Variants in MLF1 observed in about 807,000 individuals in gnomAD.
The protein encoded by MLF1 is myelodysplasia-myeloid leukemia factor 1.
In MLF1, 37 loss-of-function variants were observed where a neutral mutation model predicts 38.3. The observed-to-expected ratio is 0.96, with a 90% CI of 0.74 to 1.27. The LOEUF (loss-of-function observed/expected upper bound fraction) is 1.27, where lower values mean the gene tolerates loss of function less well. Among genes scored for constraint, MLF1 ranks in the 50% most tolerant of loss-of-function variants. The probability of loss-of-function intolerance (pLI) is 0.00; values close to 1 mark genes in which losing one functional copy is unlikely to be tolerated. For synonymous variants in MLF1, 95 were observed against 106.5 expected (o/e 0.89, Z 0.66); for missense variants, 331 against 349.2 (o/e 0.95, Z 0.42).
chr3:158,586,270 A>AT (rs1553836297), intron 1 of MLF1, among the ~76,000 whole-genome samples: 6 of 152,224 alleles, frequency 3.9e-5, no homozygotes, highest in East Asian at 1.9e-4. Flanking sequence ...ACATTAAAAA[A>AT]ATATATATAA....
intron 6 of MLF1, among the ~76,000 whole-genome samples, chr3:158,602,377 G>A (rs1719920901): frequency 6.6e-6 from 1 of 152,156 alleles, no homozygotes; most frequent in African/African-American, 2.4e-5. Flanking sequence ...TGAGTAACCT[G>A]TCTTAGGAAA....
intron 1 of MLF1, among the ~76,000 whole-genome samples, chr3:158,582,469 C>T (rs1056006480): frequency 6.6e-6 from 1 of 151,982 alleles, no homozygotes; most frequent in Admixed American, 6.6e-5. Flanking sequence ...ATGTCATACA[C>T]CAAACCACAG....
intron 1 of MLF1, among the ~76,000 whole-genome samples, chr3:158,572,293 A>G (rs2108532959): frequency 2.0e-5 from 2 of 101,108 alleles, no homozygotes; most frequent in African/African-American, 7.9e-5. Flanking sequence ...ACGGTTTGGG[A>G]GCATGAGGTG....
At chr3:158,575,806 A>G (rs1284734552) in intron 1 of MLF1, among the ~76,000 whole-genome samples, 1 of 152,098 alleles carries the variant, frequency 6.6e-6, no homozygotes, top group Non-Finnish European at 1.5e-5. Flanking sequence ...AACATTGTTG[A>G]TACTGGTATT....
chr3:158,580,290 TAAAAAA>T (rs138113242), intron 1 of MLF1, among the ~76,000 whole-genome samples: 5 of 140,834 alleles, frequency 3.6e-5, no homozygotes, highest in Admixed American at 7.1e-5. Context: ...CCCCGGAACT[TAAAAAA>T]AAAAAAGAAA....
At chr3:158,574,505 T>TAAAAAACAAAA (rs1715070623) in intron 1 of MLF1, among the ~76,000 whole-genome samples, 1 of 91,408 alleles carries the variant, frequency 1.1e-5, no homozygotes, top group African/African-American at 5.7e-5. Flanking sequence ...CCATCTGTAC[T>TAAAAAACAAAA]AAAAAAAAAA....
chr3:158,589,140 C>A (rs974677729), intron 1 of MLF1, among the ~76,000 whole-genome samples: 2 of 151,942 alleles, frequency 1.3e-5, no homozygotes, highest in Non-Finnish European at 2.9e-5. Flanking sequence ...GGTAGGGGGA[C>A]CATCTGATAT....
chr3:158,584,057 C>CA (rs1716827805), intron 1 of MLF1, among the ~76,000 whole-genome samples: 1 of 152,160 alleles, frequency 6.6e-6, no homozygotes, highest in Non-Finnish European at 1.5e-5. Context: ...AAAGGAAAGA[C>CA]AATTCTAGCC....
intron 1 of MLF1, among the ~76,000 whole-genome samples, chr3:158,584,658 AGTGT>A (rs56885799): frequency 0.16 from 21,688 of 133,986 alleles, 1,997 homozygotes; most frequent in East Asian, 0.52. Flanking sequence ...CCATAAAGAA[AGTGT>A]GTGTGTGTGT....
intron 7 of MLF1, among the ~76,000 whole-genome samples, chr3:158,604,003 G>C (rs1720163149): frequency 6.6e-6 from 1 of 152,150 alleles, no homozygotes; most frequent in African/African-American, 2.4e-5. Flanking sequence ...TCTGTTCTAA[G>C]CTATAAGAAA....
At chr3:158,591,901 T>C (rs1012101183) in intron 1 of MLF1, among the ~76,000 whole-genome samples, 5 of 152,230 alleles carry the variant, frequency 3.3e-5, no homozygotes, top group African/African-American at 1.2e-4. Flanking sequence ...CAGGTTTTCA[T>C]TAATTTTATT....
intron 6 of MLF1, among the ~76,000 whole-genome samples, chr3:158,601,624 G>GC (rs1719766245): frequency 6.6e-6 from 1 of 150,734 alleles, no homozygotes; most frequent in Admixed American, 6.6e-5. Context: ...GGGCATGGTG[G>GC]CCCGCGCCTG....
At chr3:158,604,733 A>G (rs571811395) in intron 7 of MLF1, among the ~76,000 whole-genome samples, 20 of 152,110 alleles carry the variant, frequency 1.3e-4, no homozygotes, top group African/African-American at 4.8e-4. Context: ...ATCTCAACTC[A>G]CTGCAACCTC....
rs373493309 is a variant in MLF1, at chr3:158,579,638, T to A, written c.47+8291T>A. ...GAGCCATATTTTGTTGATTAATTTT[T>A]AGCCCAATTATAATGCAATGAGAAA... is the stretch of plus-strand genomic sequence containing the variant. On this transcript the variant is annotated intron_variant, in intron 1 of 7. Transcript: ENST00000466246. Among the ~76,000 whole-genome samples, 73 of 152,342 alleles carry A rather than the reference T, an allele frequency of 4.8e-4. No individual in the cohort carries two copies. The South Asian group carries it at 0.012, about 25-fold the overall frequency.
intron 5 of MLF1, among the ~76,000 whole-genome samples, chr3:158,599,435 A>G (rs974180151): frequency 1.3e-5 from 2 of 152,214 alleles, no homozygotes; most frequent in South Asian, 2.1e-4. Flanking sequence ...GTTCTTACAT[A>G]TAAAGATGAA....
intron 1 of MLF1, among the ~76,000 whole-genome samples, chr3:158,581,835 T>C (rs928215797): frequency 1.3e-5 from 2 of 152,130 alleles, no homozygotes; most frequent in African/African-American, 4.8e-5. Context: ...AGAACAGATA[T>C]AAGCAGAGAA....
At chr3:158,601,868 G>A (rs1553841923) in intron 6 of MLF1, among the ~76,000 whole-genome samples, 1 of 139,312 alleles carries the variant, frequency 7.2e-6, no homozygotes, top group Non-Finnish European at 1.5e-5. Context: ...GAGTGCAGTG[G>A]TGCAGTGGTG....
chr3:158,573,107 A>G lies in MLF1; in HGVS notation c.47+1760A>G, dbSNP rs187920159. Among the ~76,000 whole-genome samples, 244 of 151,624 alleles carry G rather than the reference A, an allele frequency of 1.6e-3. 3 individuals carry two copies. Among genetic ancestry groups the G allele is most frequent in the African/African-American group, 5.6e-3 (231 of 41,084 alleles). On this transcript the variant is annotated intron_variant, in intron 1 of 7. Transcript: ENST00000466246. ...ATTTTATAGCTCCTCTTTAAATTCC[A>G]AATAGGAACAGGTAATATTTTATAG...
In MLF1 at chr3:158,605,843, A is replaced by C. The variant is rs187657148; in HGVS notation, c.*641A>C. The C allele has an allele frequency of 5.6e-6, 1 of 179,462 alleles. No individual in the cohort carries two copies. The highest frequency in any genetic ancestry group is 1.2e-5 in the Non-Finnish European group (1 of 83,768). 11.1% of individuals were successfully genotyped at this position (179,462 alleles called of 1,614,324 possible). On this transcript the variant is annotated 3_prime_UTR_variant, in exon 8 of 8. Coordinates refer to ENST00000466246, the MANE Select transcript of MLF1 (RefSeq NM_001369783.1). ...GTTTTGGTTATAATTTATTTATAGA[A>C]TGTATCTTTTCTATATTACATTCTT...
Sources: gnomAD v4.1 joint callset for allele counts (sites outside exome capture counted in the v4.1 genomes callset) on GRCh38, gnomAD v4.1.1 for gene constraint, MANE v1.5 for transcripts, NCBI Gene and HGNC (gene_info 2026-07-23, HGNC 2026-07-21) for gene names.